The following BLNK variants were observed in gnomAD, a reference collection of about 807,000 sequenced individuals.
BLNK encodes B-cell linker protein.
BLNK carries 29 observed loss-of-function variants against 73.5 expected under a neutral mutation model. The ratio of observed to expected loss-of-function variants is 0.39; its 90% confidence interval spans 0.29 to 0.54. BLNK has a LOEUF of 0.54. BLNK is among the 20% of genes least tolerant of loss of function. The pLI, the probability that BLNK is intolerant of heterozygous loss-of-function variation, is 0.61. For missense variants in BLNK, 460 were observed against 562.8 expected (o/e 0.82, Z 1.85); for synonymous variants, 176 against 200.8 (o/e 0.88, Z 1.04).
chr10:96,208,083 T>A (rs587632653), intron 9 of BLNK, among the ~76,000 whole-genome samples, 184 bp from the exon 10 acceptor site: 1 of 152,236 alleles, frequency 6.6e-6, no homozygotes, highest in African/African-American at 2.4e-5. Context: ...TAGGCTCAGA[T>A]GGAGTCTGCT....
At chr10:96,242,081 G>T (rs1554906390) in intron 3 of BLNK, among the ~76,000 whole-genome samples, 1 of 152,072 alleles carries the variant, frequency 6.6e-6, no homozygotes, top group African/African-American at 2.4e-5. Context: ...ATCTCATCTT[G>T]CATTGTAGCT....
chr10:96,199,951 GAGGC>G lies in BLNK; in HGVS notation c.1095+120_1095+123del, dbSNP rs1348471715. 1.7e-5 allele frequency: 9 copies of G among 543,092 alleles called. No homozygotes were observed. In the African/African-American group the frequency reaches 1.8e-4, roughly 11 times the overall value. 33.6% of individuals were successfully genotyped at this position (543,092 alleles called of 1,614,324 possible). On this transcript the variant is annotated intron_variant, in intron 15 of 16. Transcript: ENST00000224337. Reference sequence around the variant, plus strand: ...AGGCATGAGAATCACTTGAACTTGGGAGGCAGGCAGAGGTTGCAGTGAGCTGAGA... The same window carrying G: ...AGGCATGAGAATCACTTGAACTTGGGAGGCAGAGGTTGCAGTGAGCTGAGA...
chr10:96,268,753 C>T (rs1391279499), intron 1 of BLNK, among the ~76,000 whole-genome samples: 2 of 152,148 alleles, frequency 1.3e-5, no homozygotes, highest in Non-Finnish European at 2.9e-5. Context: ...TTCTGCTCCA[C>T]TCTCTTTTCA....
At position 96,190,314 on chromosome 10, in the gene BLNK, T is replaced by C. The variant is rs1362867614; in HGVS notation, c.*1659A>G. The C allele has an allele frequency of 2.3e-5, 14 of 606,182 alleles. No individual in the cohort carries two copies. In the African/African-American group the frequency reaches 2.5e-4, roughly 11 times the overall value. The allele number at this position is 606,182 out of a possible 1,614,324, so 37.6% of individuals were successfully genotyped here. On this transcript the variant is annotated 3_prime_UTR_variant, in exon 17 of 17. Coordinates refer to ENST00000224337, the MANE Select transcript of BLNK (RefSeq NM_013314.4). ...GCCATACAGGATGGAATCACGCCAG[T>C]AGTATTGTTCCTGTGTGTCTCTTCA...
At position 96,192,041 on chromosome 10, in the gene BLNK, C is replaced by A. The variant is rs138157505; in HGVS notation, c.1303G>T (p.Val435Phe). The A allele has an allele frequency of 2.5e-6, 4 of 1,613,644 alleles. No homozygotes were observed. Among genetic ancestry groups the A allele is most frequent in the Middle Eastern group, 1.7e-4 (1 of 6,054 alleles). ...GTGTTATTCTGACTGTCAATAAGAA[C>A]CAAAGGACTATGTTGATGATTCCTG... ...IIRNHQHSPL[V>F]LIDSQNNTKD... Residue 435 changes from valine (V) to phenylalanine (F), a missense_variant, in exon 17 of 17, where the codon GTT becomes TTT. Transcript: ENST00000224337.
At chr10:96,244,095 T>C (rs906350444) in intron 2 of BLNK, among the ~76,000 whole-genome samples, 1 of 152,198 alleles carries the variant, frequency 6.6e-6, no homozygotes, top group African/African-American at 2.4e-5. Context: ...TATATTTACA[T>C]AGAAATTCTG....
At chr10:96,245,673 C>T (rs539144516) in intron 2 of BLNK, among the ~76,000 whole-genome samples, 22 of 152,086 alleles carry the variant, frequency 1.4e-4, no homozygotes, top group Non-Finnish European at 2.9e-4. Context: ...TAAAGATGTC[C>T]ATGAAATAGC....
chr10:96,192,370 A>G (rs2083350009), intron 16 of BLNK, among the ~76,000 whole-genome samples: 1 of 152,198 alleles, frequency 6.6e-6, no homozygotes, highest in East Asian at 1.9e-4. Flanking sequence ...ATTATAGTAT[A>G]TTGCTTTTTA....
At chr10:96,244,904 G>T (rs1193430270) in intron 2 of BLNK, among the ~76,000 whole-genome samples, 9 of 151,938 alleles carry the variant, frequency 5.9e-5, no homozygotes, top group Non-Finnish European at 1.0e-4. Flanking sequence ...GGCAACTGGG[G>T]GCCATGGAAT....
intron 4 of BLNK, among the ~76,000 whole-genome samples, chr10:96,228,818 GC>G (rs1842380494): frequency 6.6e-6 from 1 of 152,106 alleles, no homozygotes; most frequent in African/African-American, 2.4e-5. Context: ...TGTGTCCACC[GC>G]CCTCACACTC....
intron 1 of BLNK, among the ~76,000 whole-genome samples, chr10:96,259,835 C>A (rs1554912290): frequency 6.6e-6 from 1 of 151,756 alleles, no homozygotes. Context: ...TCTACTAATA[C>A]CCTGTGTCCT....
At chr10:96,230,161 C>G (rs1307695622) in intron 4 of BLNK, among the ~76,000 whole-genome samples, 1 of 152,114 alleles carries the variant, frequency 6.6e-6, no homozygotes, top group Non-Finnish European at 1.5e-5. Context: ...TCAGAGCTAC[C>G]TCAAAGAGAT....
intron 9 of BLNK, among the ~76,000 whole-genome samples, chr10:96,209,431 T>C (rs1321391401): frequency 6.6e-6 from 1 of 152,186 alleles, no homozygotes; most frequent in Non-Finnish European, 1.5e-5. Context: ...GGAGTCTTGC[T>C]CTGTTGCCCA....
Position 96,191,853 on chromosome 10 carries a change from T to C in BLNK, c.*120A>G. 7.4e-7 allele frequency: 1 copy of C among 1,357,580 alleles called. No individual in the cohort carries two copies. The highest frequency in any genetic ancestry group is 2.3e-5 in the East Asian group (1 of 43,284). The allele number at this position is 1,357,580 out of a possible 1,614,324, so 84.1% of individuals were successfully genotyped here. ...ATGACCACTTCAATAGCTGACTCCA[T>C]CTTCCATTTTATTACTGGATGATTC... On this transcript the variant is annotated 3_prime_UTR_variant, in exon 17 of 17. Coordinates refer to ENST00000224337, the MANE Select transcript of BLNK (RefSeq NM_013314.4).
chr10:96,262,780 T>C (rs78424068), intron 1 of BLNK, among the ~76,000 whole-genome samples: 2,953 of 152,296 alleles, frequency 0.019, 43 homozygotes, highest in Non-Finnish European at 0.031. Flanking sequence ...CACACAATTG[T>C]CTGAAATACT....
At chr10:96,269,512 C>T (rs1844175663) in intron 1 of BLNK, among the ~76,000 whole-genome samples, 1 of 151,916 alleles carries the variant, frequency 6.6e-6, no homozygotes, top group Admixed American at 6.6e-5. Context: ...CTCTCTTTCC[C>T]TCTTCCTTCT....
In BLNK at chr10:96,191,884, C is replaced by T; in HGVS notation, c.*89G>A. On this transcript the variant is annotated 3_prime_UTR_variant, in exon 17 of 17. Coordinates refer to ENST00000224337, the MANE Select transcript of BLNK (RefSeq NM_013314.4). The stretch of plus-strand genomic sequence containing the variant: ...ATTTTATTACTGGATGATTCATAAT[C>T]CAAAATATGAAGTTTTGGGACTTTT... 1.3e-6 allele frequency: 2 copies of T among 1,540,742 alleles called. No homozygotes were observed. The highest frequency in any genetic ancestry group is 1.8e-6 in the Non-Finnish European group (2 of 1,117,548).
At chr10:96,225,122 T>A (rs2084287514) in intron 5 of BLNK, among the ~76,000 whole-genome samples, 3 of 152,244 alleles carry the variant, frequency 2.0e-5, no homozygotes, top group Admixed American at 6.5e-5. Flanking sequence ...TTATATCACC[T>A]GTGCCATGTG....
intron 8 of BLNK, among the ~76,000 whole-genome samples, chr10:96,214,293 G>T (rs1444078379): frequency 6.6e-6 from 1 of 152,174 alleles, no homozygotes; most frequent in African/African-American, 2.4e-5. Flanking sequence ...AGTGTCTTGG[G>T]CTCAGCCTTG....
Sources: allele counts gnomAD v4.1 joint callset (sites outside exome capture counted in the v4.1 genomes callset), GRCh38; gene constraint gnomAD v4.1.1; transcripts MANE v1.5; gene names NCBI Gene and HGNC (gene_info 2026-07-23, HGNC 2026-07-21).